The following SLC47A2 variants were observed in gnomAD, a reference collection of about 807,000 sequenced individuals.
SLC47A2 encodes multidrug and toxin extrusion protein 2.
A neutral mutation model predicts 67.7 loss-of-function variants in SLC47A2; 52 were observed. The ratio of observed to expected loss-of-function variants is 0.77; its 90% confidence interval spans 0.61 to 0.97. The LOEUF is 0.97. SLC47A2 is among the 50% of genes least tolerant of loss of function. The probability of loss-of-function intolerance (pLI) is 0.00; values close to 1 mark genes in which losing one functional copy is unlikely to be tolerated. For synonymous variants in SLC47A2, 278 were observed against 292.9 expected (o/e 0.95, Z 0.52); for missense variants, 676 against 712.3 (o/e 0.95, Z 0.58).
chr17:19,706,081 C>T lies in SLC47A2; in HGVS notation c.841+567G>A, dbSNP rs755344901. ...GGGGACAGAGAACAGGACCAGGGTC[C>T]GGCAACTCGAGTTCGGTTCTTGGCC... On this transcript the variant is annotated intron_variant, in intron 9 of 16. Transcript: ENST00000433844. 1.1e-4 allele frequency among the ~76,000 whole-genome samples: 16 copies of T among 152,186 alleles called. No individual in the cohort carries two copies. The East Asian group carries it at 1.2e-3, about 11-fold the overall frequency.
chr17:19,688,739 G>A (rs2085479327), intron 13 of SLC47A2, among the ~76,000 whole-genome samples: 1 of 151,998 alleles, frequency 6.6e-6, no homozygotes, highest in Non-Finnish European at 1.5e-5. Flanking sequence ...ATTTTTTTTA[G>A]TAGAAACAAG....
chr17:19,683,586 C>T (rs1163405817), intron 13 of SLC47A2, among the ~76,000 whole-genome samples: 2 of 152,152 alleles, frequency 1.3e-5, no homozygotes, highest in Non-Finnish European at 2.9e-5. Context: ...TGACCAGAGG[C>T]TGTGCATATG....
At chr17:19,680,242 C>A (rs2085284356) in intron 15 of SLC47A2, among the ~76,000 whole-genome samples, 1 of 152,090 alleles carries the variant, frequency 6.6e-6, no homozygotes, top group Non-Finnish European at 1.5e-5. Flanking sequence ...CTTTGGGAGG[C>A]CGAGGCGGGT....
intron 13 of SLC47A2, among the ~76,000 whole-genome samples, chr17:19,691,080 G>A (rs1478226750): frequency 4.0e-5 from 6 of 151,514 alleles, no homozygotes; most frequent in Non-Finnish European, 7.4e-5. Context: ...CCGAGATTGC[G>A]CTATTGTACT....
At chr17:19,682,331 A>T (rs889633823) in intron 13 of SLC47A2, among the ~76,000 whole-genome samples, 2 of 134,896 alleles carry the variant, frequency 1.5e-5, no homozygotes, top group African/African-American at 6.1e-5. Flanking sequence ...AGACTTGGTC[A>T]CACACACACA....
intron 13 of SLC47A2, among the ~76,000 whole-genome samples, chr17:19,688,264 A>G (rs887354676): frequency 6.6e-6 from 1 of 152,192 alleles, no homozygotes; most frequent in Non-Finnish European, 1.5e-5. Flanking sequence ...GACAAAAACC[A>G]TATGATTTCA....
At chr17:19,686,970 T>A (rs1013816288) in intron 13 of SLC47A2, among the ~76,000 whole-genome samples, 8 of 152,184 alleles carry the variant, frequency 5.3e-5, no homozygotes, top group African/African-American at 1.9e-4. Flanking sequence ...TACAAAAGAT[T>A]TCATTCAGCT....
Position 19,681,521 on chromosome 17 carries a change from T to C in SLC47A2, c.1297+17A>G. 2 of 1,614,152 alleles carry C rather than the reference T, an allele frequency of 1.2e-6. No individual in the cohort carries two copies. The highest frequency in any genetic ancestry group is 2.2e-5 in the South Asian group (2 of 91,082). ...GACGACCACCCAGGCCTCTCCCGACTTCCTCACACCACATACCCATGATTC... is the reference window on the plus strand; with the variant it reads ...GACGACCACCCAGGCCTCTCCCGACCTCCTCACACCACATACCCATGATTC... On this transcript the variant is annotated intron_variant, in intron 14 of 16. Coordinates refer to ENST00000433844, the MANE Select transcript of SLC47A2 (RefSeq NM_001099646.3).
At chr17:19,714,930 T>G in intron 2 of SLC47A2, 141 bp from the exon 3 acceptor site, 6 of 1,335,274 alleles carry the variant, frequency 4.5e-6, no homozygotes, top group Non-Finnish European at 5.3e-6. Context: ...CCTCATGTGC[T>G]GTGTGCCCCA....
chr17:19,703,220 T>G (rs769288268), intron 11 of SLC47A2, 53 bp from the exon 12 acceptor site: 1 of 1,559,574 alleles, frequency 6.4e-7, no homozygotes, highest in Non-Finnish European at 8.8e-7. Context: ...GGAAGCACCC[T>G]TGCTCAGATC....
At chr17:19,692,227 C>CA (rs11313767) in intron 13 of SLC47A2, 4,084 of 363,030 alleles carry the variant, frequency 0.011, no homozygotes, top group Middle Eastern at 0.018. Flanking sequence ...GACTCCATGT[C>CA]AAAAAAAAAA....
chr17:19,681,430 G>A lies in SLC47A2; in HGVS notation c.1329C>T (p.Phe443=). 1 of 1,613,804 alleles carries A rather than the reference G, an allele frequency of 6.2e-7. No individual in the cohort carries two copies. Among genetic ancestry groups the A allele is most frequent in the Non-Finnish European group, 8.5e-7 (1 of 1,179,890 alleles). The part of the protein sequence containing the change: ...GLWLGMLACV[F]LATAAFVAYT... ...AAGCAACAAAGGCAGCAGTTGCCAG[G>A]AAGACACAGGCCAGCATGCCCAGCC... The change falls in exon 15 of 17, where the codon TTC becomes TTT. Residue 443 remains phenylalanine (F), a synonymous_variant. Coordinates refer to ENST00000433844, the MANE Select transcript of SLC47A2 (RefSeq NM_001099646.3).
intron 13 of SLC47A2, among the ~76,000 whole-genome samples, chr17:19,693,985 C>T (rs1215506994): frequency 6.6e-6 from 1 of 152,126 alleles, no homozygotes; most frequent in Non-Finnish European, 1.5e-5. Context: ...TTTTTATAAA[C>T]ATGAACAATC....
At chr17:19,693,464 A>G (rs1222399499) in intron 13 of SLC47A2, among the ~76,000 whole-genome samples, 1 of 152,086 alleles carries the variant, frequency 6.6e-6, no homozygotes, top group African/African-American at 2.4e-5. Context: ...TATGCTCTTT[A>G]CACTTGGATT....
At chr17:19,704,902 T>C in intron 10 of SLC47A2, 1 of 448,782 alleles carries the variant, frequency 2.2e-6, no homozygotes, top group Non-Finnish European at 3.9e-6. Context: ...CTCGGCTCAC[T>C]GCAACCTCCG....
At chr17:19,700,933 C>T (rs112980308) in intron 13 of SLC47A2, among the ~76,000 whole-genome samples, 3,326 of 151,638 alleles carry the variant, frequency 0.022, 89 homozygotes, top group African/African-American at 0.069. Flanking sequence ...TTTGGGAAGC[C>T]GAGGCGGGTG....
intron 5 of SLC47A2, among the ~76,000 whole-genome samples, chr17:19,711,199 T>C (rs1286048783): frequency 1.3e-5 from 2 of 152,190 alleles, no homozygotes; most frequent in Admixed American, 1.3e-4. Context: ...TATTATTTAA[T>C]AAGAAGTACA....
In SLC47A2 at chr17:19,706,754, G is replaced by A; in HGVS notation, c.735C>T (p.Ser245=). ...KLHLETWAGW[S]SQCLQDWGPF... is the part of the protein sequence containing the mutation. ...GGCCCCAGTCCTGCAGGCACTGGCTGGACCAACCTGGAAACAGAGGCCCCA... is the reference window on the plus strand; with the variant it reads ...GGCCCCAGTCCTGCAGGCACTGGCTAGACCAACCTGGAAACAGAGGCCCCA... The change falls in exon 9 of 17, where the codon TCC becomes TCT. Residue 245 remains serine, a synonymous_variant. Coordinates refer to ENST00000433844, the MANE Select transcript of SLC47A2 (RefSeq NM_001099646.3). 1.2e-6 allele frequency: 2 copies of A among 1,604,380 alleles called. No homozygotes were observed. Among genetic ancestry groups the A allele is most frequent in the Non-Finnish European group, 1.7e-6 (2 of 1,177,620 alleles).
intron 5 of SLC47A2, among the ~76,000 whole-genome samples, chr17:19,712,116 G>T (rs1228321533): frequency 1.3e-5 from 2 of 152,172 alleles, no homozygotes; most frequent in Non-Finnish European, 2.9e-5. Flanking sequence ...GCCGGGCACG[G>T]TGGCTCACAT....
Sources: gnomAD v4.1 joint callset for allele counts (sites outside exome capture counted in the v4.1 genomes callset) on GRCh38, gnomAD v4.1.1 for gene constraint, MANE v1.5 for transcripts, NCBI Gene and HGNC (gene_info 2026-07-23, HGNC 2026-07-21) for gene names.